Variants in ASB4 observed in about 807,000 individuals in gnomAD.
The protein encoded by ASB4 is ankyrin repeat and SOCS box containing 4, also known as ankyrin repeat and SOCS box protein 4.
ASB4 carries 35 observed loss-of-function variants against 38.6 expected under a neutral mutation model. The ratio of observed to expected loss-of-function variants is 0.91; its 90% confidence interval spans 0.69 to 1.20. The LOEUF (loss-of-function observed/expected upper bound fraction) is 1.20, where lower values mean the gene tolerates loss of function less well. Ranked by LOEUF, ASB4 falls within the 50% of genes most tolerant of loss-of-function variation. The pLI is 0.00. For missense variants in ASB4, 557 were observed against 527.2 expected (o/e 1.06, Z -0.55); for synonymous variants, 195 against 201.3 (o/e 0.97, Z 0.26).
At chr7:95,515,197 C>CTT (rs757486988) in intron 2 of ASB4, among the ~76,000 whole-genome samples, 306 of 127,770 alleles carry the variant, frequency 2.4e-3, no homozygotes, top group South Asian at 7.9e-3. Flanking sequence ...TTCTTTCTTT[C>CTT]TTTCTTTCTT....
At chr7:95,529,320 A>T (rs1790788264) in intron 3 of ASB4, among the ~76,000 whole-genome samples, 1 of 152,230 alleles carries the variant, frequency 6.6e-6, no homozygotes, top group Non-Finnish European at 1.5e-5. Context: ...CAACAAGAAG[A>T]GTTTGAAGTA....
intron 2 of ASB4, among the ~76,000 whole-genome samples, chr7:95,516,059 C>A (rs1484241459): frequency 6.6e-6 from 1 of 152,188 alleles, no homozygotes; most frequent in Non-Finnish European, 1.5e-5. Flanking sequence ...GAGTCCAGAA[C>A]AGACAGAATT....
In ASB4 at chr7:95,495,752, TTTC is replaced by T. The variant is rs1457142566; in HGVS notation, c.188-5_188-3del. ...CTTTCCTTTTCCTTTTTTTTTTTTT[TTTC>T]AGGTTACTGGTTGCCTAGCTATAAA... On this transcript the variant is annotated splice_region_variant and splice_polypyrimidine_tract_variant and intron_variant, in intron 1 of 4. Coordinates refer to ENST00000325885, the MANE Select transcript of ASB4 (RefSeq NM_016116.3). 3.8e-6 allele frequency: 6 copies of T among 1,567,994 alleles called. No homozygotes were observed. The highest frequency in any genetic ancestry group is 1.4e-5 in the African/African-American group (1 of 72,316).
At chr7:95,515,263 CT>C (rs1790556001) in intron 2 of ASB4, among the ~76,000 whole-genome samples, 1 of 115,722 alleles carries the variant, frequency 8.6e-6, no homozygotes, top group African/African-American at 3.3e-5. Context: ...TTCTTTCTTT[CT>C]TTCTCTTTCT....
At chr7:95,546,373 C>G in the ASB4 span, among the ~76,000 whole-genome samples, 2 of 152,140 alleles carry the variant, frequency 1.3e-5, no homozygotes, top group Non-Finnish European at 2.9e-5. Flanking sequence ...TTAATATGGG[C>G]CCTCTTTCAA....
rs3823954 is a variant in ASB4, at chr7:95,488,885, A to C, written c.187+2727A>C. ...TTCAGTTATTTTTGGCTTAATAAGA[A>C]AGACAATGCACAAAACCTATAACGA... On this transcript the variant is annotated intron_variant, in intron 1 of 4. Transcript: ENST00000325885. 3.0e-3 allele frequency among the ~76,000 whole-genome samples: 451 copies of C among 152,348 alleles called. 7 individuals carry two copies. The highest frequency in any genetic ancestry group is 0.026 in the Admixed American group (404 of 15,304).
chr7:95,532,414 C>G (rs570259145), intron 3 of ASB4, among the ~76,000 whole-genome samples: 1 of 151,780 alleles, frequency 6.6e-6, no homozygotes, highest in Non-Finnish European at 1.5e-5. Context: ...TTTTTTCTCC[C>G]AGCGTAATTC....
chr7:95,480,012 CA>C (rs1351580419), intron 1 of ASB4, among the ~76,000 whole-genome samples: 1 of 152,134 alleles, frequency 6.6e-6, no homozygotes, highest in Non-Finnish European at 1.5e-5. Context: ...TTGTTCAAGG[CA>C]AGTGAATACT....
At chr7:95,479,606 G>A (rs1011968455) in intron 1 of ASB4, among the ~76,000 whole-genome samples, 1 of 152,082 alleles carries the variant, frequency 6.6e-6, no homozygotes, top group Non-Finnish European at 1.5e-5. Flanking sequence ...ACTTTTTTGT[G>A]TTAAATATTG....
chr7:95,503,240 A>G (rs1790365239), intron 2 of ASB4, among the ~76,000 whole-genome samples: 2 of 152,222 alleles, frequency 1.3e-5, no homozygotes, highest in South Asian at 2.1e-4. Flanking sequence ...AAATAAGAAA[A>G]CAAACCTGTG....
At chr7:95,475,132 C>T (rs1444363915), upstream of ASB4, among the ~76,000 whole-genome samples, 3 of 152,122 alleles carry the variant, frequency 2.0e-5, no homozygotes, top group African/African-American at 7.2e-5. Flanking sequence ...TCAGGTGTGA[C>T]CCAGCAGTCT....
upstream of ASB4, among the ~76,000 whole-genome samples, chr7:95,475,810 T>C (rs568381128): frequency 6.0e-4 from 91 of 152,350 alleles, 1 homozygote; most frequent in South Asian, 0.019. Flanking sequence ...TTTAGTAAAA[T>C]TAGATGGCCA....
upstream of ASB4, among the ~76,000 whole-genome samples, chr7:95,474,384 G>A (rs921983200): frequency 1.3e-5 from 2 of 151,970 alleles, no homozygotes; most frequent in African/African-American, 4.8e-5. Flanking sequence ...TTACCAAAAG[G>A]GATCTTGCTC....
chr7:95,484,058 T>C (rs1023952646), upstream of ASB4, among the ~76,000 whole-genome samples: 1 of 149,414 alleles, frequency 6.7e-6, no homozygotes, highest in Non-Finnish European at 1.5e-5. Flanking sequence ...TCAGGCATAG[T>C]GGCTCATGGC....
chr7:95,490,919 G>T (rs1477953087), intron 1 of ASB4, among the ~76,000 whole-genome samples: 3 of 152,224 alleles, frequency 2.0e-5, no homozygotes, highest in African/African-American at 4.8e-5. Flanking sequence ...TCAGTTTGGA[G>T]GTAAACTGCA....
intron 2 of ASB4, among the ~76,000 whole-genome samples, chr7:95,526,858 C>T (rs980919012): frequency 6.6e-6 from 1 of 152,212 alleles, no homozygotes; most frequent in African/African-American, 2.4e-5. Flanking sequence ...TCATTTGGTT[C>T]ACCTCATTAA....
intron 1 of ASB4, among the ~76,000 whole-genome samples, chr7:95,495,322 C>T (rs1474816180): frequency 6.6e-6 from 1 of 152,080 alleles, no homozygotes. Flanking sequence ...AAATTATAAG[C>T]TTGCAACTGA....
chr7:95,487,465 T>G (rs993228996), intron 1 of ASB4, among the ~76,000 whole-genome samples: 2 of 152,146 alleles, frequency 1.3e-5, no homozygotes, highest in Admixed American at 1.3e-4. Flanking sequence ...ATAACTCAGG[T>G]TCAAGTCAGT....
At chr7:95,500,568 CAAAAAAAAAAAAAAA>C (rs771099175) in intron 2 of ASB4, among the ~76,000 whole-genome samples, 1 of 41,000 alleles carries the variant, frequency 2.4e-5, no homozygotes, top group Non-Finnish European at 4.4e-5. Flanking sequence ...AGATCTGTCT[CAAAAAAAAAAAAAAA>C]AAAAAAAAAA....
Sources: gnomAD v4.1 joint callset for allele counts (sites outside exome capture counted in the v4.1 genomes callset) on GRCh38, gnomAD v4.1.1 for gene constraint, MANE v1.5 for transcripts, NCBI Gene and HGNC (gene_info 2026-07-23, HGNC 2026-07-21) for gene names.